The following MYO1H variants were observed in gnomAD, a reference collection of about 807,000 sequenced individuals.
MYO1H encodes myosin IH.
In MYO1H, 118 loss-of-function variants were observed where a neutral mutation model predicts 149.3. The observed-to-expected ratio is 0.79, with a 90% CI of 0.68 to 0.92. MYO1H has a LOEUF of 0.92. MYO1H is among the 40% of genes least tolerant of loss of function. The pLI is 0.00. For synonymous variants in MYO1H, 447 were observed against 465.2 expected (o/e 0.96, Z 0.50); for missense variants, 1,212 against 1,280.7 (o/e 0.95, Z 0.82).
intron 8 of MYO1H, among the ~76,000 whole-genome samples, chr12:109,406,329 A>G (rs1488396046): frequency 6.6e-6 from 1 of 152,022 alleles, no homozygotes; most frequent in South Asian, 2.1e-4. Context: ...GGCCGGGCGC[A>G]ATGGCTCATG....
At chr12:109,364,133 T>TGCACTCCA (rs1310071943) in intron 1 of MYO1H, among the ~76,000 whole-genome samples, 5 of 135,146 alleles carry the variant, frequency 3.7e-5, no homozygotes, top group African/African-American at 1.4e-4. Context: ...ATCATGCCAC[T>TGCACTCCA]GCACTCCAGA....
chr12:109,422,525 GACAGCGTTTCTCTA>G (rs1566036871), intron 16 of MYO1H, among the ~76,000 whole-genome samples: 1 of 152,170 alleles, frequency 6.6e-6, no homozygotes, highest in Non-Finnish European at 1.5e-5. Context: ...ACAAATGGGC[GACAGCGTTTCTCTA>G]ACAGCTTCCC....
chr12:109,409,339 C>T (rs757960599), intron 10 of MYO1H, among the ~76,000 whole-genome samples: 112 of 134,776 alleles, frequency 8.3e-4, no homozygotes, highest in Non-Finnish European at 1.3e-3. Flanking sequence ...AGGGGAAGGT[C>T]TGACTACACA....
the MYO1H span, among the ~76,000 whole-genome samples, chr12:109,338,176 C>T: frequency 6.6e-6 from 1 of 152,276 alleles, no homozygotes; most frequent in East Asian, 1.9e-4. Context: ...TCAAGCGATC[C>T]TCCTGCTTTG....
chr12:109,424,011 C>CT (rs1871269965), intron 16 of MYO1H, among the ~76,000 whole-genome samples: 1 of 152,226 alleles, frequency 6.6e-6, no homozygotes, highest in Non-Finnish European at 1.5e-5. Flanking sequence ...CTGCTCTCAC[C>CT]TTTGTATTGT....
intron 27 of MYO1H, among the ~76,000 whole-genome samples, chr12:109,442,988 G>A (rs1872214891): frequency 9.2e-6 from 1 of 108,686 alleles, no homozygotes; most frequent in African/African-American, 3.8e-5. Flanking sequence ...CCATCATGCA[G>A]AGAGCCAGGA....
At chr12:109,431,328 G>C (rs1277542843) in intron 19 of MYO1H, among the ~76,000 whole-genome samples, 1 of 148,704 alleles carries the variant, frequency 6.7e-6, no homozygotes, top group Admixed American at 6.7e-5. Flanking sequence ...TGCAGTGAGT[G>C]GAGATTGTGC....
Position 109,369,512 on chromosome 12 carries a change from C to T in MYO1H, c.13-19171C>T, listed in dbSNP as rs374828053. Among the ~76,000 whole-genome samples the T allele has an allele frequency of 6.6e-5, 10 of 152,058 alleles. 1 individual carries two copies. The highest frequency in any genetic ancestry group is 2.1e-4 in the South Asian group (1 of 4,820). ...GGCTTTTGCTTTTCAGACTGTTTGA[C>T]GCTTAAAAATTGGATGGGTATTAAT... On this transcript the variant is annotated intron_variant, in intron 1 of 31. Coordinates refer to ENST00000310903, the Ensembl canonical transcript of MYO1H.
At chr12:109,441,457 T>C (rs750152175) in intron 25 of MYO1H, among the ~76,000 whole-genome samples, 158 bp from the exon 26 acceptor site, 13 of 152,236 alleles carry the variant, frequency 8.5e-5, no homozygotes, top group Non-Finnish European at 2.9e-5. Context: ...CAGGGCATTT[T>C]GGCCAAAGCC....
intron 1 of MYO1H, among the ~76,000 whole-genome samples, chr12:109,377,815 G>A (rs1869114546): frequency 6.6e-6 from 1 of 152,134 alleles, no homozygotes; most frequent in Admixed American, 6.5e-5. Context: ...TATAAAAGTA[G>A]AAAGAATAGT....
intron 1 of MYO1H, chr12:109,357,070 A>G (rs2304549): frequency 0.44 from 66,595 of 151,958 alleles, 15,218 homozygotes; most frequent in African/African-American, 0.55. Context: ...CTTCCTAGAG[A>G]GCAGCCCTCT....
chr12:109,327,122 C>CTTTTTTTT, the MYO1H span, among the ~76,000 whole-genome samples: 158 of 111,328 alleles, frequency 1.4e-3, 18 homozygotes, highest in African/African-American at 3.8e-3. Flanking sequence ...TTTTCTTTTT[C>CTTTTTTTT]TTTTTCTTTT....
chr12:109,415,007 C>T (rs917822909), intron 14 of MYO1H, among the ~76,000 whole-genome samples: 1 of 152,092 alleles, frequency 6.6e-6, no homozygotes, highest in African/African-American at 2.4e-5. Context: ...CCACCATGCC[C>T]GGCCAAAGGA....
intron 14 of MYO1H, 126 bp from the exon 15 acceptor site, chr12:109,415,400 A>AT: frequency 1.3e-6 from 1 of 747,278 alleles, no homozygotes; most frequent in South Asian, 1.9e-5. Context: ...GCTTAAACCC[A>AT]GGGGGTCGGA....
chr12:109,404,166 C>G (rs930541403), intron 7 of MYO1H, 86 bp downstream of exon 7: 2 of 958,418 alleles, frequency 2.1e-6, no homozygotes, highest in African/African-American at 3.3e-5. Context: ...AATACAGTGG[C>G]CAAATTCAAC....
chr12:109,350,416 C>T (rs887601621), intron 1 of MYO1H, among the ~76,000 whole-genome samples: 2 of 152,108 alleles, frequency 1.3e-5, no homozygotes, highest in African/African-American at 4.8e-5. Context: ...GTGAATAAGT[C>T]TCATGAGATC....
intron 1 of MYO1H, among the ~76,000 whole-genome samples, chr12:109,380,479 C>A (rs1464078455): frequency 1.3e-5 from 2 of 152,134 alleles, no homozygotes; most frequent in East Asian, 3.8e-4. Context: ...GTGAGGTTTA[C>A]CCTGAGGACA....
rs189928204 is a variant in MYO1H, at chr12:109,410,130, T to A, written c.1329+62T>A. 2.0e-4 allele frequency: 167 copies of A among 817,234 alleles called. No individual in the cohort carries two copies. The East Asian group carries it at 5.2e-3, about 25-fold the overall frequency. 50.6% of individuals were successfully genotyped at this position (817,234 alleles called of 1,614,324 possible). On this transcript the variant is annotated intron_variant, in intron 12 of 31. Transcript: ENST00000310903. ...TCATCTAGCTAAAGACTTCTTTTTT[T>A]AATTTAATTAATTTTTTTTTTATTT...
At chr12:109,423,105 A>T (rs530847360) in intron 16 of MYO1H, among the ~76,000 whole-genome samples, 61 of 151,950 alleles carry the variant, frequency 4.0e-4, no homozygotes, top group Non-Finnish European at 6.2e-4. Context: ...AGAAAAAAAA[A>T]TTTTTTTGAG....
Sources: gnomAD v4.1 joint callset for allele counts (sites outside exome capture counted in the v4.1 genomes callset) on GRCh38, gnomAD v4.1.1 for gene constraint, MANE v1.5 for transcripts, NCBI Gene and HGNC (gene_info 2026-07-23, HGNC 2026-07-21) for gene names.